CFAP99: variants seen among roughly 807,000 people sequenced by gnomAD.
CFAP99 encodes cilia- and flagella-associated protein 99.
In CFAP99, 84 loss-of-function variants were observed where a neutral mutation model predicts 82.7. The observed-to-expected ratio is 1.02, with a 90% confidence interval of 0.85 to 1.22. The LOEUF (loss-of-function observed/expected upper bound fraction) is 1.22. CFAP99 is among the 50% of genes most tolerant of loss of function. CFAP99 has a pLI of 0.00. For synonymous variants in CFAP99, 456 were observed against 429.5 expected (o/e 1.06, Z -0.76); for missense variants, 1,059 against 983.5 (o/e 1.08, Z -1.03).
chr4:2,426,638 C>A, intron 2 of CFAP99, 52 bp downstream of exon 2: 1 of 1,181,202 alleles, frequency 8.5e-7, no homozygotes, highest in Non-Finnish European at 1.2e-6. Flanking sequence ...ACCTGTTGTG[C>A]AGCTGTTCTG....
chr4:2,424,367 C>T (rs1166613674), intron 1 of CFAP99, among the ~76,000 whole-genome samples: 2 of 152,136 alleles, frequency 1.3e-5, no homozygotes, highest in African/African-American at 4.8e-5. Context: ...GCAGGAGAGT[C>T]GCTTGAATCT....
At chr4:2,418,963 GC>G (rs1216683083), upstream of CFAP99, 1 of 152,170 alleles carries the variant, frequency 6.6e-6, no homozygotes, top group Non-Finnish European at 1.5e-5. The surrounding 1 kb of genome is among the most constrained non-coding windows in gnomAD (Gnocchi z 4.6). Flanking sequence ...ACGCCAAACA[GC>G]CGCGGCGTCC....
At chr4:2,437,404 C>T (rs574651908) in intron 3 of CFAP99, among the ~76,000 whole-genome samples, 9 of 152,346 alleles carry the variant, frequency 5.9e-5, no homozygotes, top group African/African-American at 2.2e-4. Context: ...AAGAGACTCG[C>T]TGCCTGGGCT....
At chr4:2,447,156 G>A (rs543001295) in intron 6 of CFAP99, among the ~76,000 whole-genome samples, 2 of 151,140 alleles carry the variant, frequency 1.3e-5, no homozygotes, top group East Asian at 3.9e-4. Context: ...ATGGGTAGAT[G>A]GATGAGCAGA....
At chr4:2,428,838 C>T (rs1733741596) in intron 2 of CFAP99, 1 of 152,856 alleles carries the variant, frequency 6.5e-6, no homozygotes, top group Admixed American at 6.5e-5. Context: ...CATCCTTGAC[C>T]TCTCCCGAGC....
intron 11 of CFAP99, among the ~76,000 whole-genome samples, chr4:2,455,280 C>T (rs1473424805): frequency 6.6e-6 from 1 of 152,190 alleles, no homozygotes; most frequent in African/African-American, 2.4e-5. Context: ...TGTCATTTGA[C>T]TTTGTATATG....
chr4:2,436,064 C>A (rs1357760574), intron 2 of CFAP99, among the ~76,000 whole-genome samples: 5 of 149,264 alleles, frequency 3.3e-5, no homozygotes, highest in Admixed American at 3.3e-4. Context: ...CAGAGTGAGA[C>A]CCTGTCTCAA....
chr4:2,441,208 TAAA>T (rs1183931634), intron 4 of CFAP99, among the ~76,000 whole-genome samples: 1 of 151,346 alleles, frequency 6.6e-6, no homozygotes, highest in Non-Finnish European at 1.5e-5. Flanking sequence ...CCGTCTCTAT[TAAA>T]AATAGAAAAA....
chr4:2,444,672 C>T (rs1165573847), intron 5 of CFAP99, among the ~76,000 whole-genome samples: 1 of 152,224 alleles, frequency 6.6e-6, no homozygotes, highest in African/African-American at 2.4e-5. Context: ...TCCTGCCCCA[C>T]CTGACTCCAC....
At chr4:2,438,209 G>A (rs1431321267) in intron 4 of CFAP99, 45 bp downstream of exon 4, 5 of 1,110,970 alleles carry the variant, frequency 4.5e-6, no homozygotes, top group Middle Eastern at 1.9e-4. Context: ...GCCCACGGGT[G>A]AGGTCCGTCT....
chr4:2,441,515 T>A (rs1405536857), intron 4 of CFAP99, among the ~76,000 whole-genome samples: 2 of 152,178 alleles, frequency 1.3e-5, no homozygotes, highest in Non-Finnish European at 2.9e-5. Flanking sequence ...CAGGGGCTGC[T>A]GCAGGGACTC....
chr4:2,420,623 G>C (rs1733563722), intron 1 of CFAP99, among the ~76,000 whole-genome samples: 1 of 152,154 alleles, frequency 6.6e-6, no homozygotes, highest in African/African-American at 2.4e-5. Flanking sequence ...TGAACTTGGG[G>C]AAGTGGGGTA....
intron 2 of CFAP99, among the ~76,000 whole-genome samples, chr4:2,430,780 GAA>G (rs1264481334): frequency 6.6e-6 from 1 of 151,574 alleles, no homozygotes; most frequent in Admixed American, 6.6e-5. Context: ...CTCTCTAAAA[GAA>G]AAAAAATGAG....
intron 2 of CFAP99, among the ~76,000 whole-genome samples, chr4:2,433,032 G>A (rs1323028004): frequency 6.6e-6 from 1 of 151,158 alleles, no homozygotes; most frequent in East Asian, 2.0e-4. Context: ...CACGTGTCCT[G>A]GCAGCCGCCA....
intron 10 of CFAP99, 104 bp downstream of exon 10, chr4:2,451,456 T>C: frequency 9.4e-7 from 1 of 1,067,266 alleles, no homozygotes; most frequent in Non-Finnish European, 1.4e-6. Flanking sequence ...GGAGAGGGAC[T>C]CGGGGGTCAC....
intron 3 of CFAP99, among the ~76,000 whole-genome samples, chr4:2,437,598 A>T (rs1206177804): frequency 2.0e-5 from 3 of 152,132 alleles, no homozygotes; most frequent in Non-Finnish European, 4.4e-5. Flanking sequence ...TGAGCTGAGC[A>T]GCTGATGCCA....
rs368135062 is a variant in CFAP99 at position 2,424,823 on chromosome 4, G to A, written c.-17-1636G>A. On this transcript the variant is annotated intron_variant, in intron 1 of 14. Coordinates refer to ENST00000635017, the Ensembl canonical transcript of CFAP99. ...TTCCTGCACTGAACGTGTTCGGGGCGTCCCTGGCTCTGAAATATCATGACT... is the reference window on the plus strand; with the variant it reads ...TTCCTGCACTGAACGTGTTCGGGGCATCCCTGGCTCTGAAATATCATGACT... Among the ~76,000 whole-genome samples, 39 of 152,310 alleles carry A rather than the reference G, an allele frequency of 2.6e-4. No homozygotes were observed. In the East Asian group the frequency reaches 4.8e-3, roughly 19 times the overall value.
In CFAP99 at chr4:2,446,416, A is replaced by G. The variant is rs1734167231; in HGVS notation, c.642+1108A>G. Among the ~76,000 whole-genome samples, 1 of 150,006 alleles carries G rather than the reference A, an allele frequency of 6.7e-6. No individual in the cohort carries two copies. The highest frequency in any genetic ancestry group is 2.5e-5 in the African/African-American group (1 of 40,448). Reference sequence around the variant, plus strand: ...TATTATTATTATTATTATTTGAGACAGAGTCTCGCTCTGTCACCCAGGCTG... The same window carrying G: ...TATTATTATTATTATTATTTGAGACGGAGTCTCGCTCTGTCACCCAGGCTG... On this transcript the variant is annotated intron_variant, in intron 6 of 14. Transcript: ENST00000635017. This position sits in a 1 kb window ranked among gnomAD's most constrained non-coding sequence, Gnocchi z 5.0.
At chr4:2,450,187 A>G (rs1001761914) in intron 8 of CFAP99, 182 bp downstream of exon 8, 5 of 652,756 alleles carry the variant, frequency 7.7e-6, no homozygotes, top group Admixed American at 2.5e-5. Flanking sequence ...TGTGGCCCCT[A>G]AGCAGGCGGG....
Sources: allele counts gnomAD v4.1 joint callset (sites outside exome capture counted in the v4.1 genomes callset), GRCh38; gene constraint gnomAD v4.1.1; non-coding constraint Gnocchi (gnomAD v3.1); transcripts MANE v1.5; gene names NCBI Gene and HGNC (gene_info 2026-07-23, HGNC 2026-07-21).